The following PREP variants were observed in gnomAD, a reference collection of about 807,000 sequenced individuals.
PREP encodes prolyl endopeptidase.
PREP carries 29 observed loss-of-function variants against 87.6 expected under a neutral mutation model. That is an observed-to-expected ratio of 0.33 (90% confidence interval 0.25 to 0.45). The LOEUF is 0.45. Ranked by LOEUF, PREP falls within the 20% of genes least tolerant of loss-of-function variation. PREP has a pLI of 1.00. For synonymous variants in PREP, 337 were observed against 328.6 expected (o/e 1.03, Z -0.28); for missense variants, 695 against 886.5 (o/e 0.78, Z 2.74).
Position 105,398,864 on chromosome 6 carries a change from T to C in PREP, c.46-937A>G, listed in dbSNP as rs117995696. 5.6e-3 allele frequency among the ~76,000 whole-genome samples: 858 copies of C among 152,204 alleles called. 40 individuals carry two copies. The East Asian group carries it at 0.14, about 25-fold the overall frequency. ...GGCTCACAGCCATAATCCCAGCACTTTGGGAGACTGAGGCAGGCGGATCAC... is the reference window on the plus strand; with the variant it reads ...GGCTCACAGCCATAATCCCAGCACTCTGGGAGACTGAGGCAGGCGGATCAC... On this transcript the variant is annotated intron_variant, in intron 1 of 14. Transcript: ENST00000652536.
At chr6:105,342,702 A>C (rs1279229511) in intron 7 of PREP, among the ~76,000 whole-genome samples, 1 of 152,240 alleles carries the variant, frequency 6.6e-6, no homozygotes, top group East Asian at 1.9e-4. Flanking sequence ...ATACAAAGTC[A>C]GTGTGCAAAA....
chr6:105,381,853 TG>T (rs2114718835), intron 2 of PREP, among the ~76,000 whole-genome samples: 1 of 136,514 alleles, frequency 7.3e-6, no homozygotes, highest in East Asian at 1.9e-4. Flanking sequence ...CAGAAAAATC[TG>T]TTACAAGGGT....
chr6:105,286,617 G>A lies in PREP; in HGVS notation c.1455-1037C>T, dbSNP rs1268189056. 2.0e-5 allele frequency among the ~76,000 whole-genome samples: 3 copies of A among 152,160 alleles called. No individual in the cohort carries two copies. In the East Asian group the frequency reaches 5.8e-4, roughly 30 times the overall value. ...GAACTGTGTCACTCTTTTAGCAACTGGGGAAACCATGGGCTTCTATAAACT... is the reference window on the plus strand; with the variant it reads ...GAACTGTGTCACTCTTTTAGCAACTAGGGAAACCATGGGCTTCTATAAACT... On this transcript the variant is annotated intron_variant, in intron 11 of 14. Transcript: ENST00000652536.
At chr6:105,333,744 C>A (rs924776244) in intron 7 of PREP, among the ~76,000 whole-genome samples, 8 of 152,134 alleles carry the variant, frequency 5.3e-5, no homozygotes, top group African/African-American at 1.9e-4. Context: ...CGGCCCATCA[C>A]CCCCACAAGA....
At chr6:105,353,644 C>T (rs1483645789) in intron 6 of PREP, among the ~76,000 whole-genome samples, 3 of 151,718 alleles carry the variant, frequency 2.0e-5, no homozygotes, top group South Asian at 4.2e-4. Flanking sequence ...TGGTGGTAGG[C>T]GCCTGTAATC....
At chr6:105,347,496 T>G (rs888863006) in intron 7 of PREP, among the ~76,000 whole-genome samples, 1 of 152,256 alleles carries the variant, frequency 6.6e-6, no homozygotes, top group African/African-American at 2.4e-5. Flanking sequence ...AAGTTATTAG[T>G]ATCTTCTGCT....
At chr6:105,320,949 G>T (rs1196261712) in intron 10 of PREP, among the ~76,000 whole-genome samples, 1 of 152,198 alleles carries the variant, frequency 6.6e-6, no homozygotes, top group African/African-American at 2.4e-5. Context: ...ATCAAAATGT[G>T]AGAACATCTG....
chr6:105,295,740 G>A (rs937943262), intron 10 of PREP, among the ~76,000 whole-genome samples: 5 of 152,048 alleles, frequency 3.3e-5, no homozygotes, highest in African/African-American at 4.8e-5. Context: ...AAATGGAATC[G>A]GGCTAATACT....
intron 7 of PREP, among the ~76,000 whole-genome samples, chr6:105,337,262 A>G (rs925294710): frequency 6.6e-6 from 1 of 152,190 alleles, no homozygotes; most frequent in African/African-American, 2.4e-5. Flanking sequence ...ATTTGTGGAA[A>G]TTCTTGGAGG....
chr6:105,367,455 C>T (rs1441979356), intron 6 of PREP, among the ~76,000 whole-genome samples: 2 of 152,040 alleles, frequency 1.3e-5, no homozygotes, highest in Non-Finnish European at 2.9e-5. Flanking sequence ...GGGCGGATCA[C>T]GAGGTCAGGA....
intron 8 of PREP, among the ~76,000 whole-genome samples, chr6:105,332,810 TG>T (rs1349782925): frequency 6.6e-6 from 1 of 152,240 alleles, no homozygotes; most frequent in Non-Finnish European, 1.5e-5. Context: ...AAGAGGTTAA[TG>T]TAGTTCACTG....
intron 7 of PREP, 71 bp from the exon 8 acceptor site, chr6:105,333,576 G>C (rs1771398057): frequency 6.8e-7 from 1 of 1,462,670 alleles, no homozygotes; most frequent in Admixed American, 1.7e-5. Flanking sequence ...GTGTAGGGAG[G>C]GGAGGGTGGA....
intron 2 of PREP, among the ~76,000 whole-genome samples, chr6:105,380,831 C>CAA (rs1217336516): frequency 6.6e-6 from 1 of 152,172 alleles, no homozygotes; most frequent in Non-Finnish European, 1.5e-5. Flanking sequence ...TTGCATGAGG[C>CAA]TGCACTTAGG....
intron 14 of PREP, among the ~76,000 whole-genome samples, chr6:105,279,745 G>A (rs1193340573): frequency 6.6e-6 from 1 of 152,212 alleles, no homozygotes; most frequent in Non-Finnish European, 1.5e-5. Flanking sequence ...AGCCCTGTGA[G>A]AGCAAGATTT....
At chr6:105,281,939 T>C in intron 13 of PREP, 37 bp from the exon 14 acceptor site, 7 of 1,606,584 alleles carry the variant, frequency 4.4e-6, no homozygotes, top group Non-Finnish European at 5.9e-6. Context: ...GGAGGCAGTC[T>C]ATCATTAAAC....
At chr6:105,363,614 C>T (rs1410692869) in intron 6 of PREP, among the ~76,000 whole-genome samples, 1 of 152,166 alleles carries the variant, frequency 6.6e-6, no homozygotes, top group African/African-American at 2.4e-5. Context: ...GGGAGGCTTC[C>T]CGAGGTCCCT....
Position 105,302,541 on chromosome 6 carries a change from G to A in PREP, c.1318-13647C>T, listed in dbSNP as rs556933971. The A allele has an allele frequency of 1.8e-5, 7 of 397,658 alleles. No homozygotes were observed. The Admixed American group carries it at 1.9e-4, about 11-fold the overall frequency. 24.6% of individuals were successfully genotyped at this position (397,658 alleles called of 1,614,324 possible). On this transcript the variant is annotated intron_variant, in intron 10 of 14. Transcript: ENST00000652536. Reference sequence around the variant, plus strand: ...CTTCAGGTTCTCCTCGTGCTTGCTGGGCCAGTGGCGCAGGCGCATGTTTTC... The same window carrying A: ...CTTCAGGTTCTCCTCGTGCTTGCTGAGCCAGTGGCGCAGGCGCATGTTTTC...
chr6:105,309,479 A>G (rs1401580075), intron 10 of PREP, among the ~76,000 whole-genome samples: 1 of 152,178 alleles, frequency 6.6e-6, no homozygotes, highest in Non-Finnish European at 1.5e-5. Flanking sequence ...CCTCCCGAGT[A>G]GCTGGGACTA....
chr6:105,366,663 T>C (rs1430144435), intron 6 of PREP, among the ~76,000 whole-genome samples: 9 of 152,204 alleles, frequency 5.9e-5, no homozygotes, highest in Non-Finnish European at 1.2e-4. Context: ...GCATTACTCA[T>C]AACAATGCTG....
Sources: gnomAD v4.1 joint callset for allele counts (sites outside exome capture counted in the v4.1 genomes callset) on GRCh38, gnomAD v4.1.1 for gene constraint, MANE v1.5 for transcripts, NCBI Gene and HGNC (gene_info 2026-07-23, HGNC 2026-07-21) for gene names.